The following CNTNAP2 variants were observed in gnomAD, a reference collection of about 807,000 sequenced individuals.
The protein encoded by CNTNAP2 is contactin-associated protein-like 2.
A neutral mutation model predicts 155.2 loss-of-function variants in CNTNAP2; 98 were observed. The ratio of observed to expected loss-of-function variants is 0.63; its 90% CI spans 0.54 to 0.75. CNTNAP2 has a LOEUF of 0.75. Ranked by LOEUF, CNTNAP2 falls within the 30% of genes least tolerant of loss-of-function variation. The probability of loss-of-function intolerance (pLI) is 0.00; values close to 1 mark genes in which losing one functional copy is unlikely to be tolerated. For missense variants in CNTNAP2, 1,727 were observed against 1,688.1 expected (o/e 1.02, Z -0.40); for synonymous variants, 651 against 631.2 (o/e 1.03, Z -0.47).
At chr7:146,647,046 C>CA (rs1232890206) in intron 1 of CNTNAP2, among the ~76,000 whole-genome samples, 1 of 152,176 alleles carries the variant, frequency 6.6e-6, no homozygotes, top group Non-Finnish European at 1.5e-5. Context: ...GACTCCCGGC[C>CA]ATATGCCCTA....
chr7:146,134,070 T>A (rs1452615263), intron 1 of CNTNAP2, among the ~76,000 whole-genome samples: 1 of 149,244 alleles, frequency 6.7e-6, no homozygotes, highest in East Asian at 2.0e-4. Flanking sequence ...TCCATTTGTT[T>A]GTATCCTCTT....
intron 14 of CNTNAP2, among the ~76,000 whole-genome samples, chr7:147,941,467 A>G (rs1390190889): frequency 2.0e-5 from 3 of 152,184 alleles, no homozygotes; most frequent in Non-Finnish European, 4.4e-5. Context: ...CAACTTCTAG[A>G]GAGCACTCAC....
chr7:147,254,018 G>A (rs1458637647), intron 8 of CNTNAP2, among the ~76,000 whole-genome samples: 2 of 152,138 alleles, frequency 1.3e-5, no homozygotes, highest in Non-Finnish European at 2.9e-5. Context: ...CCAACCCAGT[G>A]CTTGGGTGTC....
intron 10 of CNTNAP2, among the ~76,000 whole-genome samples, chr7:147,457,665 T>C (rs187307880): frequency 6.6e-5 from 10 of 152,216 alleles, no homozygotes. Context: ...GTTAAATAAA[T>C]GAATGAACAA....
intron 20 of CNTNAP2, among the ~76,000 whole-genome samples, chr7:148,241,794 T>G (rs868583035): frequency 3.9e-5 from 6 of 152,382 alleles, no homozygotes; most frequent in Middle Eastern, 3.4e-3. Flanking sequence ...ATGTCAACAC[T>G]TCCACATTTT....
At chr7:147,749,821 T>C (rs1797105965) in intron 13 of CNTNAP2, among the ~76,000 whole-genome samples, 1 of 152,224 alleles carries the variant, frequency 6.6e-6, no homozygotes, top group Admixed American at 6.5e-5. Flanking sequence ...TGTAGAGAAA[T>C]GACTCTTCTA....
chr7:147,612,272 T>A (rs939657224), intron 12 of CNTNAP2, among the ~76,000 whole-genome samples: 2 of 152,178 alleles, frequency 1.3e-5, no homozygotes, highest in Non-Finnish European at 2.9e-5. Flanking sequence ...TAAATCTGAA[T>A]GTTTATATAA....
chr7:147,876,704 C>T (rs1269050003), intron 13 of CNTNAP2, among the ~76,000 whole-genome samples: 1 of 152,032 alleles, frequency 6.6e-6, no homozygotes, highest in African/African-American at 2.4e-5. Context: ...TCTGGCTCAT[C>T]ATAAGGTAGA....
chr7:148,257,429 T>C (rs1796474357), intron 20 of CNTNAP2, among the ~76,000 whole-genome samples: 1 of 152,212 alleles, frequency 6.6e-6, no homozygotes, highest in African/African-American at 2.4e-5. Flanking sequence ...TTTCTTCTTC[T>C]TGAGTATCTC....
intron 12 of CNTNAP2, among the ~76,000 whole-genome samples, chr7:147,597,364 T>C (rs1047806062): frequency 6.6e-6 from 1 of 152,176 alleles, no homozygotes; most frequent in African/African-American, 2.4e-5. Context: ...TTTGATCTTT[T>C]AGGACCAGTT....
At chr7:148,242,469 T>A (rs960019977) in intron 20 of CNTNAP2, among the ~76,000 whole-genome samples, 1 of 152,174 alleles carries the variant, frequency 6.6e-6, no homozygotes, top group Non-Finnish European at 1.5e-5. Context: ...CTAGTGGTCA[T>A]TAGCTGTAAC....
chr7:146,829,899 C>G (rs1803477812), intron 2 of CNTNAP2, among the ~76,000 whole-genome samples: 1 of 151,888 alleles, frequency 6.6e-6, no homozygotes, highest in African/African-American at 2.4e-5. Flanking sequence ...ATACCTTGTC[C>G]TATGTTTTAT....
intron 14 of CNTNAP2, among the ~76,000 whole-genome samples, chr7:147,925,205 A>AAGGAG (rs1554450408): frequency 7.6e-6 from 1 of 132,188 alleles, no homozygotes; most frequent in Non-Finnish European, 1.6e-5. Context: ...GAAGGAAGGA[A>AAGGAG]GGAAAGAAGG....
intron 19 of CNTNAP2, among the ~76,000 whole-genome samples, chr7:148,220,326 T>C (rs148199401): frequency 0.041 from 6,201 of 152,220 alleles, 136 homozygotes; most frequent in Middle Eastern, 0.099. Context: ...ATGATCTCAA[T>C]CTCCTGACCT....
At chr7:147,796,381 C>A (rs1464281611) in intron 13 of CNTNAP2, among the ~76,000 whole-genome samples, 4 of 151,944 alleles carry the variant, frequency 2.6e-5, no homozygotes, top group African/African-American at 4.8e-5. Flanking sequence ...TTGAAGGAAG[C>A]CTTAGCACAA....
intron 1 of CNTNAP2, among the ~76,000 whole-genome samples, chr7:146,663,128 A>G (rs1037681109): frequency 7.9e-5 from 12 of 151,932 alleles, no homozygotes; most frequent in African/African-American, 2.9e-4. Context: ...AAATACAAAT[A>G]ATAGCCGGCT....
chr7:146,188,147 AC>A (rs2116847221), intron 1 of CNTNAP2, among the ~76,000 whole-genome samples: 1 of 152,286 alleles, frequency 6.6e-6, no homozygotes, highest in African/African-American at 2.4e-5. Flanking sequence ...TGAAGAAAAA[AC>A]AATCCATATT....
chr7:147,620,004 G>T (rs888045613), intron 12 of CNTNAP2, among the ~76,000 whole-genome samples: 1 of 152,182 alleles, frequency 6.6e-6, no homozygotes, highest in South Asian at 2.1e-4. Flanking sequence ...TATTTGTGTG[G>T]GAGGAAGAAG....
intron 1 of CNTNAP2, among the ~76,000 whole-genome samples, chr7:146,709,560 CCGGA>C (rs1187815944): frequency 6.6e-6 from 1 of 152,100 alleles, no homozygotes; most frequent in Non-Finnish European, 1.5e-5. Flanking sequence ...ATATGATTGT[CCGGA>C]GAACCCTGTT....
Sources: allele counts gnomAD v4.1 joint callset (sites outside exome capture counted in the v4.1 genomes callset), GRCh38; gene constraint gnomAD v4.1.1; transcripts MANE v1.5; gene names NCBI Gene and HGNC (gene_info 2026-07-23, HGNC 2026-07-21).